Variants in INSYN2B observed in about 807,000 individuals in gnomAD.
INSYN2B encodes protein INSYN2B.
INSYN2B carries 16 observed loss-of-function variants against 41.2 expected under a neutral mutation model. The observed-to-expected ratio is 0.39, with a 90% CI of 0.26 to 0.59. The LOEUF (loss-of-function observed/expected upper bound fraction) is 0.59. Ranked by LOEUF, INSYN2B falls within the 20% of genes least tolerant of loss-of-function variation. The pLI, the probability that INSYN2B is intolerant of heterozygous loss-of-function variation, is 0.57. For missense variants in INSYN2B, 608 were observed against 646.4 expected, an observed-to-expected ratio of 0.94 and a Z score of 0.64; for synonymous variants, 245 against 244.4, an observed-to-expected ratio of 1.00 and a Z score of -0.02.
intron 1 of INSYN2B, among the ~76,000 whole-genome samples, chr5:169,904,187 T>C (rs261051): frequency 0.34 from 51,932 of 151,450 alleles, 9,287 homozygotes; most frequent in East Asian, 0.54. Context: ...AAAAGCAGCA[T>C]ACTGACCTAG....
intron 1 of INSYN2B, among the ~76,000 whole-genome samples, chr5:169,907,850 G>C (rs1774373465): frequency 6.6e-6 from 1 of 151,754 alleles, no homozygotes; most frequent in Non-Finnish European, 1.5e-5. Flanking sequence ...CTGGCATCTA[G>C]TGGGTAGAGG....
intron 1 of INSYN2B, among the ~76,000 whole-genome samples, chr5:169,901,570 G>T (rs1351435852): frequency 6.6e-6 from 1 of 152,200 alleles, no homozygotes; most frequent in Non-Finnish European, 1.5e-5. Flanking sequence ...TGGGGAGGCT[G>T]TAACAGTCGT....
intron 1 of INSYN2B, among the ~76,000 whole-genome samples, chr5:169,925,469 A>G (rs1048678875): frequency 2.7e-5 from 4 of 150,858 alleles, no homozygotes; most frequent in Admixed American, 2.0e-4. Context: ...AATCCCAGCT[A>G]CTTGGGAGGC....
intron 1 of INSYN2B, among the ~76,000 whole-genome samples, chr5:169,903,284 A>G (rs1275294709): frequency 1.4e-5 from 2 of 147,678 alleles, no homozygotes; most frequent in East Asian, 2.0e-4. Flanking sequence ...TGAGATCCCC[A>G]TCTCTAAAAA....
intron 1 of INSYN2B, among the ~76,000 whole-genome samples, chr5:169,895,900 ACCTT>A (rs1280620161): frequency 2.0e-5 from 3 of 152,002 alleles, no homozygotes; most frequent in Non-Finnish European, 4.4e-5. Context: ...TTGGCTTCCA[ACCTT>A]CCTTCCTTCT....
intron 1 of INSYN2B, among the ~76,000 whole-genome samples, chr5:169,944,924 A>G (rs1169171317): frequency 3.3e-5 from 5 of 152,128 alleles, no homozygotes; most frequent in Non-Finnish European, 7.3e-5. Context: ...TGTCTGCTAC[A>G]TGTTCTAACT....
chr5:169,867,251 C>T (rs958256231), intron 3 of INSYN2B, among the ~76,000 whole-genome samples: 5 of 152,184 alleles, frequency 3.3e-5, no homozygotes, highest in African/African-American at 7.2e-5. Context: ...GATTAGATTC[C>T]GGCCTTAGGC....
intron 1 of INSYN2B, among the ~76,000 whole-genome samples, chr5:169,922,064 T>G (rs1206144466): frequency 1.3e-5 from 2 of 152,264 alleles, no homozygotes; most frequent in African/African-American, 4.8e-5. Context: ...CTTTCTATTC[T>G]GCTCATTTCC....
At chr5:169,888,911 G>A (rs898172463) in intron 1 of INSYN2B, among the ~76,000 whole-genome samples, 6 of 152,292 alleles carry the variant, frequency 3.9e-5, no homozygotes, top group South Asian at 2.1e-4. Flanking sequence ...GTACAAAGAT[G>A]GCATTCCTTT....
chr5:169,970,672 A>T (rs1035486024), intron 1 of INSYN2B, among the ~76,000 whole-genome samples: 7 of 152,192 alleles, frequency 4.6e-5, no homozygotes, highest in Admixed American at 4.6e-4. Flanking sequence ...CTTTGATTAG[A>T]CTTTTGCTGG....
chr5:169,963,665 C>G (rs889427404), intron 1 of INSYN2B, among the ~76,000 whole-genome samples: 3 of 152,158 alleles, frequency 2.0e-5, no homozygotes, highest in African/African-American at 7.2e-5. Flanking sequence ...CACCCCCTCA[C>G]CCAGTCTTGG....
chr5:169,899,997 T>G (rs1250314222), intron 1 of INSYN2B, among the ~76,000 whole-genome samples: 1 of 152,226 alleles, frequency 6.6e-6, no homozygotes, highest in Non-Finnish European at 1.5e-5. Flanking sequence ...TGTATTCACT[T>G]CAGGGTCTCC....
chr5:169,939,689 T>C (rs1290615180), intron 1 of INSYN2B, among the ~76,000 whole-genome samples: 1 of 152,192 alleles, frequency 6.6e-6, no homozygotes, highest in Non-Finnish European at 1.5e-5. Flanking sequence ...ATTCCGTCAT[T>C]GACTGAGACG....
intron 1 of INSYN2B, among the ~76,000 whole-genome samples, chr5:169,915,139 T>C (rs1254177193): frequency 1.3e-5 from 2 of 152,052 alleles, no homozygotes; most frequent in Non-Finnish European, 2.9e-5. Context: ...TTAGCACAAG[T>C]GGATAAAACT....
intron 1 of INSYN2B, among the ~76,000 whole-genome samples, chr5:169,891,209 T>A (rs1581367458): frequency 6.6e-6 from 1 of 152,092 alleles, no homozygotes; most frequent in African/African-American, 2.4e-5. Flanking sequence ...TTTCCCCAGA[T>A]CCTTCCAAGC....
chr5:169,948,696 C>G (rs1776543428), intron 1 of INSYN2B, among the ~76,000 whole-genome samples: 1 of 150,562 alleles, frequency 6.6e-6, no homozygotes. Flanking sequence ...TCACTGCAGT[C>G]TGGAACTTAT....
chr5:169,967,263 C>T (rs1269543601), intron 1 of INSYN2B, among the ~76,000 whole-genome samples: 1 of 152,128 alleles, frequency 6.6e-6, no homozygotes, highest in Non-Finnish European at 1.5e-5. Flanking sequence ...ATCCCAGAAG[C>T]CTTTCCAGAT....
chr5:169,959,245 T>A (rs1167332563), intron 1 of INSYN2B, among the ~76,000 whole-genome samples: 1 of 151,620 alleles, frequency 6.6e-6, no homozygotes, highest in African/African-American at 2.4e-5. Context: ...ACAAAAAAAA[T>A]AGCTGGGCGT....
intron 1 of INSYN2B, among the ~76,000 whole-genome samples, chr5:169,938,214 T>C (rs1776078672): frequency 6.6e-6 from 1 of 152,052 alleles, no homozygotes; most frequent in Non-Finnish European, 1.5e-5. Context: ...AAATCTTTCT[T>C]TTTCTTTCTT....
Sources: allele counts gnomAD v4.1 joint callset (sites outside exome capture counted in the v4.1 genomes callset), GRCh38; gene constraint gnomAD v4.1.1; transcripts MANE v1.5; gene names NCBI Gene and HGNC (gene_info 2026-07-23, HGNC 2026-07-21).